The following TMEM132D variants were observed in gnomAD, a reference collection of about 807,000 sequenced individuals.
The protein encoded by TMEM132D is mature OL transmembrane protein.
Under a neutral mutation model 62.3 loss-of-function variants are expected in TMEM132D, and 21 were observed. The observed-to-expected ratio is 0.34, with a 90% CI of 0.24 to 0.49. TMEM132D has a LOEUF of 0.49. Ranked by LOEUF, TMEM132D falls within the 20% of genes least tolerant of loss-of-function variation. The probability of loss-of-function intolerance (pLI) is 0.99; values close to 1 mark genes in which losing one functional copy is unlikely to be tolerated. For synonymous variants in TMEM132D, 621 were observed against 575.6 expected, an observed-to-expected ratio of 1.08 and a Z score of -1.13; for missense variants, 1,346 against 1,402.8, an observed-to-expected ratio of 0.96 and a Z score of 0.65.
chr12:129,206,737 T>G (rs765020673), intron 5 of TMEM132D, among the ~76,000 whole-genome samples: 38 of 152,162 alleles, frequency 2.5e-4, no homozygotes, highest in Non-Finnish European at 4.9e-4. Flanking sequence ...ATAAAGAAAA[T>G]GTGGTACATA....
Position 129,848,932 on chromosome 12 carries a change from G to A in TMEM132D, c.79+54329C>T, listed in dbSNP as rs904837179. Among the ~76,000 whole-genome samples, 54 of 152,132 alleles carry A rather than the reference G, an allele frequency of 3.5e-4. 1 individual carries two copies. Among genetic ancestry groups the A allele is most frequent in the African/African-American group, 1.2e-3 (51 of 41,494 alleles). Reference sequence around the variant, plus strand: ...CCCTCAACTTCATCCCACTGTTCCCGTTCACACCCTCTTGCCTCATCCCAG... The same window carrying A: ...CCCTCAACTTCATCCCACTGTTCCCATTCACACCCTCTTGCCTCATCCCAG... On this transcript the variant is annotated intron_variant, in intron 1 of 8. Transcript: ENST00000422113.
At chr12:129,448,222 T>A (rs1178953322) in intron 3 of TMEM132D, among the ~76,000 whole-genome samples, 4 of 152,144 alleles carry the variant, frequency 2.6e-5, no homozygotes, top group African/African-American at 7.2e-5. Context: ...GCTAAATGAT[T>A]TTTTCTTCTC....
chr12:129,868,022 G>T (rs1273638674), intron 1 of TMEM132D, among the ~76,000 whole-genome samples: 1 of 151,948 alleles, frequency 6.6e-6, no homozygotes, highest in East Asian at 1.9e-4. Flanking sequence ...GTACATACAT[G>T]AGGTGGCGTT....
At chr12:129,095,683 A>G (rs573539140) in intron 5 of TMEM132D, among the ~76,000 whole-genome samples, 3 of 152,086 alleles carry the variant, frequency 2.0e-5, no homozygotes, top group Non-Finnish European at 4.4e-5. Flanking sequence ...AGATCGGGGC[A>G]TCAGGGCACA....
At chr12:129,228,058 C>G (rs183703073) in intron 4 of TMEM132D, among the ~76,000 whole-genome samples, 2 of 152,302 alleles carry the variant, frequency 1.3e-5, no homozygotes, top group Non-Finnish European at 2.9e-5. Flanking sequence ...TTGTTTCCCC[C>G]TTTATAATCC....
At position 129,473,556 on chromosome 12, in the gene TMEM132D, C is replaced by G. The variant is rs181483613; in HGVS notation, c.1115+57503G>C. Reference sequence around the variant, plus strand: ...ATATTGGCCAGGCTGGTCTCGAACCCCTGGCCTGCAGTGATCTGCCCGCCT... The same window carrying G: ...ATATTGGCCAGGCTGGTCTCGAACCGCTGGCCTGCAGTGATCTGCCCGCCT... On this transcript the variant is annotated intron_variant, in intron 3 of 8. Transcript: ENST00000422113. 8.0e-3 allele frequency among the ~76,000 whole-genome samples: 1,210 copies of G among 152,020 alleles called. 18 individuals carry two copies. The highest frequency in any genetic ancestry group is 0.028 in the African/African-American group (1,151 of 41,472).
chr12:129,623,728 CAT>C (rs1415936460), intron 2 of TMEM132D, among the ~76,000 whole-genome samples: 1 of 120,136 alleles, frequency 8.3e-6, no homozygotes, highest in Non-Finnish European at 1.7e-5. Flanking sequence ...TATATACATA[CAT>C]ATATACATAT....
intron 2 of TMEM132D, among the ~76,000 whole-genome samples, chr12:129,611,760 G>A (rs538071202): frequency 2.2e-4 from 33 of 152,284 alleles, no homozygotes; most frequent in African/African-American, 7.0e-4. Flanking sequence ...ATTTCCATCC[G>A]CTACAATGTC....
chr12:129,073,815 A>G lies in TMEM132D; in HGVS notation c.*60T>C. ...TTTCTCTTCCGGGGGCACCGTTGCTACACATCCTGGAATTAAAGGCTGAAA... is the reference window on the plus strand; with the variant it reads ...TTTCTCTTCCGGGGGCACCGTTGCTGCACATCCTGGAATTAAAGGCTGAAA... On this transcript the variant is annotated 3_prime_UTR_variant, in exon 9 of 9. Coordinates refer to ENST00000422113, the MANE Select transcript of TMEM132D (RefSeq NM_133448.3). 1 of 1,420,146 alleles carries G rather than the reference A, an allele frequency of 7.0e-7. No individual in the cohort carries two copies. The highest frequency in any genetic ancestry group is 9.5e-7 in the Non-Finnish European group (1 of 1,047,888). The allele number at this position is 1,420,146 out of a possible 1,614,324, so 88.0% of individuals were successfully genotyped here.
chr12:129,631,233 G>A (rs931123617), intron 2 of TMEM132D, among the ~76,000 whole-genome samples: 11 of 152,258 alleles, frequency 7.2e-5, no homozygotes, highest in Middle Eastern at 3.4e-3. Flanking sequence ...GCGCTACTGC[G>A]TCTTTCTCTT....
chr12:129,447,674 T>C (rs960013308), intron 3 of TMEM132D, among the ~76,000 whole-genome samples: 4 of 152,212 alleles, frequency 2.6e-5, no homozygotes, highest in South Asian at 2.1e-4. Flanking sequence ...GTCTGTGCAC[T>C]GTACAAATTA....
At chr12:129,717,360 T>C (rs1868625044) in intron 1 of TMEM132D, among the ~76,000 whole-genome samples, 2 of 152,328 alleles carry the variant, frequency 1.3e-5, no homozygotes, top group South Asian at 2.1e-4. Context: ...TGCACTGAAG[T>C]TACACAGAAA....
At chr12:129,458,472 T>C (rs1873551216) in intron 3 of TMEM132D, among the ~76,000 whole-genome samples, 1 of 151,830 alleles carries the variant, frequency 6.6e-6, no homozygotes, top group Non-Finnish European at 1.5e-5. Flanking sequence ...GCTAAATTTG[T>C]TAAGATTTGC....
At position 129,492,702 on chromosome 12, in the gene TMEM132D, T is replaced by C. The variant is rs552926057; in HGVS notation, c.1115+38357A>G. On this transcript the variant is annotated intron_variant, in intron 3 of 8. Transcript: ENST00000422113. ...GCTTTCATCTGATGACAGTACCACCTTCTTCTTTGTATTTGTTTTGGCAAG... is the reference window on the plus strand; with the variant it reads ...GCTTTCATCTGATGACAGTACCACCCTCTTCTTTGTATTTGTTTTGGCAAG... Among the ~76,000 whole-genome samples, 4 of 152,296 alleles carry C rather than the reference T, an allele frequency of 2.6e-5. No homozygotes were observed. The South Asian group carries it at 6.2e-4, about 24-fold the overall frequency.
intron 4 of TMEM132D, among the ~76,000 whole-genome samples, chr12:129,318,601 C>T (rs1002119070): frequency 2.6e-5 from 4 of 152,134 alleles, no homozygotes; most frequent in African/African-American, 9.7e-5. Context: ...GTTTAATGCT[C>T]TATGTTTGTG....
intron 1 of TMEM132D, among the ~76,000 whole-genome samples, chr12:129,841,140 T>A (rs1281403101): frequency 6.6e-6 from 1 of 152,202 alleles, no homozygotes; most frequent in Non-Finnish European, 1.5e-5. Flanking sequence ...ATCTGACATG[T>A]GCGCACCCCT....
intron 3 of TMEM132D, among the ~76,000 whole-genome samples, chr12:129,423,083 A>G (rs1286942673): frequency 1.3e-5 from 2 of 152,038 alleles, no homozygotes; most frequent in Admixed American, 1.3e-4. Flanking sequence ...ACATCTTTAT[A>G]TAAATATAGA....
intron 5 of TMEM132D, among the ~76,000 whole-genome samples, chr12:129,116,918 CAAAAAAAAA>C (rs60513263): frequency 6.8e-5 from 4 of 59,046 alleles, no homozygotes; most frequent in South Asian, 1.1e-3. Context: ...AAAATTTCCG[CAAAAAAAAA>C]AAAAAAAAAA....
At chr12:129,236,445 G>A (rs1198823141) in intron 4 of TMEM132D, among the ~76,000 whole-genome samples, 1 of 149,794 alleles carries the variant, frequency 6.7e-6, no homozygotes, top group African/African-American at 2.5e-5. Flanking sequence ...AACCTAGGAG[G>A]CGGAGGTTAA....
Sources: gnomAD v4.1 joint callset for allele counts (sites outside exome capture counted in the v4.1 genomes callset) on GRCh38, gnomAD v4.1.1 for gene constraint, MANE v1.5 for transcripts, NCBI Gene and HGNC (gene_info 2026-07-23, HGNC 2026-07-21) for gene names.